Variants in DCPS observed in about 807,000 individuals in gnomAD.
The protein encoded by DCPS is decapping enzyme, scavenger.
Under a neutral mutation model 34.7 loss-of-function variants are expected in DCPS, and 27 were observed. That is an observed-to-expected ratio of 0.78 (90% CI 0.57 to 1.07). DCPS has a LOEUF of 1.07. Among genes scored for constraint, DCPS ranks in the 50% least tolerant of loss-of-function variants. DCPS has a pLI of 0.00. For missense variants in DCPS, 464 were observed against 436.9 expected (o/e 1.06, Z -0.55); for synonymous variants, 185 against 185.7 (o/e 1.00, Z 0.03).
rs1184013330 is a variant in DCPS, at chr11:126,304,123, T to C, written c.43T>C (p.Leu15=). ...TCAACTAGGCAAGAGGAAGCGCGAATTGGACGTGGAGGAGGCCCACGCCGC... is the reference window on the plus strand; with the variant it reads ...TCAACTAGGCAAGAGGAAGCGCGAACTGGACGTGGAGGAGGCCCACGCCGC... ...APQLGKRKRE[L]DVEEAHAAST... is the part of the protein sequence containing the mutation. Residue 15 remains leucine (L), a synonymous_variant, in exon 1 of 6, where the codon TTG becomes CTG. Coordinates refer to ENST00000263579, the MANE Select transcript of DCPS (RefSeq NM_014026.6). The C allele has an allele frequency of 3.1e-6, 5 of 1,613,828 alleles. No individual in the cohort carries two copies. The highest frequency in any genetic ancestry group is 2.2e-5 in the South Asian group (2 of 91,036).
At chr11:126,343,570 G>A (rs1951894556) in intron 5 of DCPS, among the ~76,000 whole-genome samples, 153 bp downstream of exon 5, 1 of 152,098 alleles carries the variant, frequency 6.6e-6, no homozygotes, top group South Asian at 2.1e-4. Context: ...GGCTCTTGAG[G>A]TTGAAGAGCA....
Position 126,333,477 on chromosome 11 carries a change from G to A in DCPS, c.522+1927G>A, listed in dbSNP as rs1285380238. ...TGCCTAGACGAACTACCGTGGTGAT[G>A]CAGAGGGACAGTGACCAGCGCAGAC... is the stretch of plus-strand genomic sequence containing the variant. On this transcript the variant is annotated intron_variant, in intron 3 of 5. Transcript: ENST00000263579. The surrounding 1 kb of genome is among the most constrained non-coding windows in gnomAD (Gnocchi z 5.7). Among the ~76,000 whole-genome samples the A allele has an allele frequency of 6.6e-6, 1 of 152,232 alleles. No homozygotes were observed. The highest frequency in any genetic ancestry group is 1.5e-5 in the Non-Finnish European group (1 of 68,040).
intron 2 of DCPS, among the ~76,000 whole-genome samples, chr11:126,310,616 T>G (rs537922482): frequency 6.6e-6 from 1 of 152,358 alleles, no homozygotes; most frequent in East Asian, 1.9e-4. Context: ...ACCCACAAAC[T>G]GACCTATGTG....
rs1400860561 is a variant in DCPS, at chr11:126,323,992, G to C, written c.377-7413G>C. On this transcript the variant is annotated intron_variant, in intron 2 of 5. Coordinates refer to ENST00000263579, the MANE Select transcript of DCPS (RefSeq NM_014026.6). This position sits in a 1 kb window ranked among gnomAD's most constrained non-coding sequence, Gnocchi z 4.4. Reference sequence around the variant, plus strand: ...ATTACAGAAGCAAGCCACCATGCCTGGCTAATTTTTTTGTGTTTTTGTAGA... The same window carrying C: ...ATTACAGAAGCAAGCCACCATGCCTCGCTAATTTTTTTGTGTTTTTGTAGA... Among the ~76,000 whole-genome samples, 2 of 151,916 alleles carry C rather than the reference G, an allele frequency of 1.3e-5. No individual in the cohort carries two copies. Among genetic ancestry groups the C allele is most frequent in the Non-Finnish European group, 2.9e-5 (2 of 67,998 alleles).
rs776003149 is a variant in DCPS at position 126,331,490 on chromosome 11, G to A, written c.462G>A (p.Thr154=). ...AGGACCTCCGCCTGATCCGAGAGAC[G>A]GGAGATGACTACAGGAATATTACTT... is the stretch of plus-strand genomic sequence containing the variant. ...LRQDLRLIRE[T]GDDYRNITLP... The change falls in exon 3 of 6, where the codon ACG becomes ACA. Residue 154 remains threonine (T), a synonymous_variant. Coordinates refer to ENST00000263579, the MANE Select transcript of DCPS (RefSeq NM_014026.6). The surrounding 1 kb of genome is among the most constrained non-coding windows in gnomAD (Gnocchi z 7.2). The A allele has an allele frequency of 4.0e-5, 64 of 1,613,980 alleles. No homozygotes were observed. The highest frequency in any genetic ancestry group is 5.2e-5 in the Non-Finnish European group (61 of 1,180,026).
rs1360030530 is a variant in DCPS at position 126,335,172 on chromosome 11, G to T, written c.523-3114G>T. Among the ~76,000 whole-genome samples the T allele has an allele frequency of 6.6e-6, 1 of 152,254 alleles. No homozygotes were observed. The highest frequency in any genetic ancestry group is 2.4e-5 in the African/African-American group (1 of 41,472). The stretch of plus-strand genomic sequence containing the variant: ...GGCCACACATGGCTGGAGGGGAAGT[G>T]CAAGGCAGCAGGCAGAAGCAGAGAG... On this transcript the variant is annotated intron_variant, in intron 3 of 5. Coordinates refer to ENST00000263579, the MANE Select transcript of DCPS (RefSeq NM_014026.6). The surrounding 1 kb of genome is among the most constrained non-coding windows in gnomAD (Gnocchi z 4.8).
rs1951931026 is a variant in DCPS at position 126,346,529 on chromosome 11, C to T, written c.*916C>T. On this transcript the variant is annotated 3_prime_UTR_variant, in exon 6 of 6. Transcript: ENST00000263579. The surrounding 1 kb of genome is among the most constrained non-coding windows in gnomAD (Gnocchi z 4.1). ...CAACAGGGCTCAAGCGGCGCAGGGA[C>T]ATGGCTTGTATGGGCGGGCACACAA... Among the ~76,000 whole-genome samples the T allele has an allele frequency of 6.6e-6, 1 of 152,218 alleles. No individual in the cohort carries two copies. Among genetic ancestry groups the T allele is most frequent in the Non-Finnish European group, 1.5e-5 (1 of 68,044 alleles).
In DCPS at chr11:126,338,123, T is replaced by C. The variant is rs1241908711; in HGVS notation, c.523-163T>C. Reference sequence around the variant, plus strand: ...CTTCTGGACCCCTAAGAACAGATGCTTGGGGACAGGGCAGCCCGGATGTAG... The same window carrying C: ...CTTCTGGACCCCTAAGAACAGATGCCTGGGGACAGGGCAGCCCGGATGTAG... On this transcript the variant is annotated intron_variant, in intron 3 of 5. Transcript: ENST00000263579. This position sits in a 1 kb window ranked among gnomAD's most constrained non-coding sequence, Gnocchi z 5.4. 1 of 645,926 alleles carries C rather than the reference T, an allele frequency of 1.5e-6. No individual in the cohort carries two copies. The highest frequency in any genetic ancestry group is 2.6e-5 in the Admixed American group (1 of 38,120). 40.0% of individuals were successfully genotyped at this position (645,926 alleles called of 1,614,324 possible).
rs571669104 is a variant in DCPS, at chr11:126,334,309, T to C, written c.522+2759T>C. On this transcript the variant is annotated intron_variant, in intron 3 of 5. Coordinates refer to ENST00000263579, the MANE Select transcript of DCPS (RefSeq NM_014026.6). This position sits in a 1 kb window ranked among gnomAD's most constrained non-coding sequence, Gnocchi z 5.5. ...TATAGTCCAAGAACTGCTCTAAGCA[T>C]TTATGCGCATCACACCTCATTTATT... 7.9e-5 allele frequency among the ~76,000 whole-genome samples: 12 copies of C among 152,302 alleles called. No homozygotes were observed. The highest frequency in any genetic ancestry group is 1.5e-4 in the Non-Finnish European group (10 of 68,024).
In DCPS at chr11:126,345,591, T is replaced by G; in HGVS notation, c.992T>G (p.Leu331Trp). Residue 331 changes from leucine (L) to tryptophan (W), a missense_variant, in exon 6 of 6, where the codon TTG (leucine) becomes TGG (tryptophan). Coordinates refer to ENST00000263579, the MANE Select transcript of DCPS (RefSeq NM_014026.6). This position sits in a 1 kb window ranked among gnomAD's most constrained non-coding sequence, Gnocchi z 7.4. ...LRADDPLLKLLQEAQQS is the reference protein window; with the variant it reads ...LRADDPLLKLWQEAQQS Reference sequence around the variant, plus strand: ...GCTGACGACCCCCTGCTCAAGCTCTTGCAGGAGGCTCAGCAAAGCTGAATT... The same window carrying G: ...GCTGACGACCCCCTGCTCAAGCTCTGGCAGGAGGCTCAGCAAAGCTGAATT... 1 of 1,613,346 alleles carries G rather than the reference T, an allele frequency of 6.2e-7. No homozygotes were observed. The highest frequency in any genetic ancestry group is 8.5e-7 in the Non-Finnish European group (1 of 1,179,932).
At position 126,319,320 on chromosome 11, in the gene DCPS, T is replaced by C. The variant is rs1406890313; in HGVS notation, c.377-12085T>C. 6.6e-6 allele frequency among the ~76,000 whole-genome samples: 1 copy of C among 152,084 alleles called. No homozygotes were observed. Among genetic ancestry groups the C allele is most frequent in the African/African-American group, 2.4e-5 (1 of 41,404 alleles). The stretch of plus-strand genomic sequence containing the variant: ...CTGCTATACTTGGTAGGGGAGGTGG[T>C]AGGGGACAGGATGGTACCACAAATG... On this transcript the variant is annotated intron_variant, in intron 2 of 5. Transcript: ENST00000263579. This position sits in a 1 kb window ranked among gnomAD's most constrained non-coding sequence, Gnocchi z 4.5.
Position 126,347,590 on chromosome 11 carries a change from G to A in DCPS, c.*1977G>A, listed in dbSNP as rs1484433042. 1.3e-5 allele frequency among the ~76,000 whole-genome samples: 2 copies of A among 152,232 alleles called. No individual in the cohort carries two copies. Among genetic ancestry groups the A allele is most frequent in the African/African-American group, 2.4e-5 (1 of 41,458 alleles). On this transcript the variant is annotated 3_prime_UTR_variant, in exon 6 of 6. Transcript: ENST00000263579. The surrounding 1 kb of genome is among the most constrained non-coding windows in gnomAD (Gnocchi z 4.2). ...GTTGCAGCCAAGGAACTTTGAGGTA[G>A]TGACCAATGCAGGGAGGTCTGACAG...
chr11:126,315,015 G>A lies in DCPS; in HGVS notation c.376+8271G>A, dbSNP rs1435553014. Among the ~76,000 whole-genome samples, 1 of 152,006 alleles carries A rather than the reference G, an allele frequency of 6.6e-6. No homozygotes were observed. The highest frequency in any genetic ancestry group is 2.4e-5 in the African/African-American group (1 of 41,340). The stretch of plus-strand genomic sequence containing the variant: ...AAAAATTTAAAAAAATTGCTCTACC[G>A]TAAAGACACATGCACACATATGTTC... On this transcript the variant is annotated intron_variant, in intron 2 of 5. Coordinates refer to ENST00000263579, the MANE Select transcript of DCPS (RefSeq NM_014026.6). This position sits in a 1 kb window ranked among gnomAD's most constrained non-coding sequence, Gnocchi z 6.1.
chr11:126,349,528 A>G lies in DCPS; in HGVS notation c.*3915A>G, dbSNP rs1951971198. ...AGTGGTCTCTATTTACCAACATGAA[A>G]CAGAAAAATACCATCTCAGGCTCCA... On this transcript the variant is annotated 3_prime_UTR_variant, in exon 6 of 6. Coordinates refer to ENST00000263579, the MANE Select transcript of DCPS (RefSeq NM_014026.6). This position sits in a 1 kb window ranked among gnomAD's most constrained non-coding sequence, Gnocchi z 5.4. Among the ~76,000 whole-genome samples the G allele has an allele frequency of 6.6e-6, 1 of 152,196 alleles. No individual in the cohort carries two copies. The highest frequency in any genetic ancestry group is 1.5e-5 in the Non-Finnish European group (1 of 68,040).
Position 126,347,348 on chromosome 11 carries a change from T to C in DCPS, c.*1735T>C, listed in dbSNP as rs935638285. ...AAGTGATTCTCCTGCCTCAGCCTCC[T>C]GAGTAGCTGGGACTACAGGGGTGCG... On this transcript the variant is annotated 3_prime_UTR_variant, in exon 6 of 6. Coordinates refer to ENST00000263579, the MANE Select transcript of DCPS (RefSeq NM_014026.6). The surrounding 1 kb of genome is among the most constrained non-coding windows in gnomAD (Gnocchi z 4.2). Among the ~76,000 whole-genome samples the C allele has an allele frequency of 3.3e-5, 5 of 151,492 alleles. No homozygotes were observed. Among genetic ancestry groups the C allele is most frequent in the African/African-American group, 9.7e-5 (4 of 41,248 alleles).
intron 2 of DCPS, among the ~76,000 whole-genome samples, chr11:126,318,242 G>A (rs1246285957): frequency 6.6e-6 from 1 of 152,220 alleles, no homozygotes; most frequent in Non-Finnish European, 1.5e-5. Flanking sequence ...AGTGGTTGAA[G>A]TTTCCAGTAG....
At position 126,331,530 on chromosome 11, in the gene DCPS, T is replaced by C; in HGVS notation, c.502T>C (p.Ser168Pro). 1 of 1,613,816 alleles carries C rather than the reference T, an allele frequency of 6.2e-7. No homozygotes were observed. The highest frequency in any genetic ancestry group is 8.5e-7 in the Non-Finnish European group (1 of 1,179,982). ...GAATATTACTTTACCCCACCTGGAGTCCCAGAGCCTCAGCATCCAGGTGAC... is the reference window on the plus strand; with the variant it reads ...GAATATTACTTTACCCCACCTGGAGCCCCAGAGCCTCAGCATCCAGGTGAC... ...YRNITLPHLE[S>P]QSLSIQWVYN... The change falls in exon 3 of 6, where the codon TCC (serine) becomes CCC (proline). Residue 168 changes from serine to proline, a missense_variant. By Grantham distance (74) the Ser-to-Pro change is moderately conservative. Coordinates refer to ENST00000263579, the MANE Select transcript of DCPS (RefSeq NM_014026.6). This position sits in a 1 kb window ranked among gnomAD's most constrained non-coding sequence, Gnocchi z 7.2.
rs1307606969 is a variant in DCPS, at chr11:126,328,068, C to T, written c.377-3337C>T. The stretch of plus-strand genomic sequence containing the variant: ...AGCGTGGCTCGTTGGGTAGGAGGGT[C>T]AGCTCGGCCGTGGGAGCGGCCAGGG... On this transcript the variant is annotated intron_variant, in intron 2 of 5. Coordinates refer to ENST00000263579, the MANE Select transcript of DCPS (RefSeq NM_014026.6). The surrounding 1 kb of genome is among the most constrained non-coding windows in gnomAD (Gnocchi z 6.6). Among the ~76,000 whole-genome samples, 8 of 152,340 alleles carry T rather than the reference C, an allele frequency of 5.3e-5. No individual in the cohort carries two copies. In the East Asian group the frequency reaches 1.5e-3, roughly 29 times the overall value.
rs978402867 is a variant in DCPS, at chr11:126,335,767, AT to A, written c.523-2518del. Among the ~76,000 whole-genome samples the A allele has an allele frequency of 5.3e-5, 8 of 152,152 alleles. No homozygotes were observed. Among genetic ancestry groups the A allele is most frequent in the African/African-American group, 1.9e-4 (8 of 41,460 alleles). On this transcript the variant is annotated intron_variant, in intron 3 of 5. Coordinates refer to ENST00000263579, the MANE Select transcript of DCPS (RefSeq NM_014026.6). This position sits in a 1 kb window ranked among gnomAD's most constrained non-coding sequence, Gnocchi z 4.8. Reference sequence around the variant, plus strand: ...ATGACGCAACCCATCTCTACTAAAAATACAAAAATTAGCTGGGTGTGGTGGC... The same window carrying A: ...ATGACGCAACCCATCTCTACTAAAAAACAAAAATTAGCTGGGTGTGGTGGC...
Sources: allele counts gnomAD v4.1 joint callset (sites outside exome capture counted in the v4.1 genomes callset), GRCh38; gene constraint gnomAD v4.1.1; non-coding constraint Gnocchi (gnomAD v3.1); transcripts MANE v1.5; gene names NCBI Gene and HGNC (gene_info 2026-07-23, HGNC 2026-07-21).